MAP7D1: variants seen among roughly 807,000 people sequenced by gnomAD.
MAP7D1 encodes the protein MAP7 domain-containing protein 1.
In MAP7D1, 30 loss-of-function variants were observed where a neutral mutation model predicts 97.5. The observed-to-expected ratio is 0.31, with a 90% CI of 0.23 to 0.42. MAP7D1 has a LOEUF of 0.42. MAP7D1 is among the 10% of genes least tolerant of loss of function. MAP7D1 has a pLI of 1.00. For synonymous variants in MAP7D1, 536 were observed against 477.1 expected, an observed-to-expected ratio of 1.12 and a Z score of -1.61; for missense variants, 1,184 against 1,179.5, an observed-to-expected ratio of 1.00 and a Z score of -0.06.
At position 36,178,818 on chromosome 1, in the gene MAP7D1, A is replaced by G. The variant is rs1291249097; in HGVS notation, c.2020A>G (p.Lys674Glu). 1 of 1,540,684 alleles carries G rather than the reference A, an allele frequency of 6.5e-7. No individual in the cohort carries two copies. Among genetic ancestry groups the G allele is most frequent in the East Asian group, 2.5e-5 (1 of 40,140 alleles). ...AEQEEQERLQ[K>E]QKEEAEARSR... ...GCAGGAGGAGCAGGAGCGGCTGCAG[A>G]AGCAGGTGCCCCCGGCGGGCGGGAA... Residue 674 changes from lysine (K) to glutamate (E), a missense_variant, in exon 11 of 17, where the codon AAG (lysine) becomes GAG (glutamate). Transcript: ENST00000474796.
chr1:36,177,383 G>GTAGT, intron 8 of MAP7D1: 1 of 367,470 alleles, frequency 2.7e-6, no homozygotes, highest in South Asian at 2.1e-5. Context: ...AAGGGCCAGG[G>GTAGT]TAGTGCCTCA....
In MAP7D1 at chr1:36,178,924, G is replaced by A; in HGVS notation, c.2029G>A (p.Glu677Lys). ...CGCTCATGGGGGTCTTTGGCAGAAA[G>A]AGGAGGCCGAAGCTCGGTCGCGGGA... ...EEQERLQKQK[E>K]EAEARSREEA... Residue 677 changes from glutamate (E) to lysine (K), a missense_variant, in exon 12 of 17, where the codon GAG (glutamate) becomes AAG (lysine). By Grantham distance (56) the Glu-to-Lys change is moderately conservative. Coordinates refer to ENST00000474796, the MANE Select transcript of MAP7D1 (RefSeq NM_001388490.1). 2 of 1,554,528 alleles carry A rather than the reference G, an allele frequency of 1.3e-6. No homozygotes were observed. Among genetic ancestry groups the A allele is most frequent in the Non-Finnish European group, 1.7e-6 (2 of 1,148,960 alleles).
chr1:36,178,449 C>G lies in MAP7D1; in HGVS notation c.1739C>G (p.Pro580Arg), dbSNP rs754642069. The G allele has an allele frequency of 6.2e-7, 1 of 1,611,480 alleles. No individual in the cohort carries two copies. Among genetic ancestry groups the G allele is most frequent in the East Asian group, 2.2e-5 (1 of 44,832 alleles). Residue 580 changes from proline (P) to arginine (R), a missense_variant, in exon 10 of 17, where the codon CCT (proline) becomes CGT (arginine). Physicochemically the swap from Pro to Arg is moderately radical, Grantham distance 103. Transcript: ENST00000474796. ...GCTGTCTTGACCTCACCCCCAGCCCCTGCTCCCCCGGTGACCCCTAGCAAA... is the reference window on the plus strand; with the variant it reads ...GCTGTCTTGACCTCACCCCCAGCCCGTGCTCCCCCGGTGACCCCTAGCAAA... ...DAAVLTSPPA[P>R]APPVTPSKPM...
chr1:36,156,628 G>T (rs1191245328), intron 1 of MAP7D1, among the ~76,000 whole-genome samples, 165 bp downstream of exon 1: 2 of 152,110 alleles, frequency 1.3e-5, no homozygotes, highest in African/African-American at 4.8e-5. Flanking sequence ...CCAGGCTCGC[G>T]ATGCATCCTC....
intron 1 of MAP7D1, among the ~76,000 whole-genome samples, chr1:36,166,273 G>A (rs111669222): frequency 7.9e-5 from 12 of 152,240 alleles, no homozygotes; most frequent in African/African-American, 2.6e-4. Flanking sequence ...AGACAAGGTC[G>A]AAGAGGTCAG....
At chr1:36,166,008 G>A (rs1392508311) in intron 1 of MAP7D1, among the ~76,000 whole-genome samples, 1 of 152,166 alleles carries the variant, frequency 6.6e-6, no homozygotes, top group Admixed American at 6.5e-5. Flanking sequence ...GGGATTACAG[G>A]CGTGAGCCAC....
chr1:36,168,867 TA>T (rs1644505077), intron 1 of MAP7D1, among the ~76,000 whole-genome samples: 1 of 152,160 alleles, frequency 6.6e-6, no homozygotes. Flanking sequence ...GATCTCAAAT[TA>T]CCTCTTTTTT....
chr1:36,172,255 T>A, intron 3 of MAP7D1: 1 of 430,528 alleles, frequency 2.3e-6, no homozygotes, highest in East Asian at 3.5e-5. Context: ...ATAAGGCCAA[T>A]GGAGGAGAAA....
chr1:36,179,585 T>C, intron 14 of MAP7D1, 28 bp downstream of exon 14: 1 of 1,556,266 alleles, frequency 6.4e-7, no homozygotes, highest in Non-Finnish European at 8.7e-7. Flanking sequence ...CTCGCCTCCC[T>C]TCCCTTTGCC....
chr1:36,158,155 G>A (rs774246562), intron 1 of MAP7D1, among the ~76,000 whole-genome samples: 3 of 151,982 alleles, frequency 2.0e-5, no homozygotes, highest in South Asian at 2.1e-4. Flanking sequence ...GGGGATGTTC[G>A]GTGGGCGGGG....
chr1:36,161,122 A>G (rs1182658765), intron 1 of MAP7D1, among the ~76,000 whole-genome samples: 2 of 152,230 alleles, frequency 1.3e-5, no homozygotes, highest in Non-Finnish European at 2.9e-5. Context: ...GAGCTCCTTC[A>G]GATCTGTAGT....
Position 36,175,002 on chromosome 1 carries a change from A to G in MAP7D1, c.844A>G (p.Ser282Gly), listed in dbSNP as rs1314138973. 1 of 1,610,022 alleles carries G rather than the reference A, an allele frequency of 6.2e-7. No homozygotes were observed. The change falls in exon 6 of 17, where the codon AGT (serine) becomes GGT (glycine). Residue 282 changes from serine to glycine, a missense_variant. Ser to Gly is a moderately conservative substitution (Grantham distance 56). Coordinates refer to ENST00000474796, the MANE Select transcript of MAP7D1 (RefSeq NM_001388490.1). ...CTCTGCCACGCTCTGGAACTCCCCC[A>G]GTAGAAGTAAGAGAAGGCCCAGCCC... ...KSSATLWNSP[S>G]RNRSLQLSAW... is the part of the protein sequence containing the mutation.
chr1:36,161,899 G>A (rs886258678), intron 1 of MAP7D1, among the ~76,000 whole-genome samples: 1 of 151,520 alleles, frequency 6.6e-6, no homozygotes, highest in African/African-American at 2.4e-5. Context: ...GTGTGTGTGT[G>A]TGTGTGTGTG....
chr1:36,156,568 C>A, intron 1 of MAP7D1, 105 bp downstream of exon 1: 1 of 898,266 alleles, frequency 1.1e-6, no homozygotes, highest in Non-Finnish European at 1.5e-6. Flanking sequence ...CGCTGCCGCG[C>A]CCTCTGACCA....
At chr1:36,168,432 C>A (rs1385245497) in intron 1 of MAP7D1, among the ~76,000 whole-genome samples, 1 of 152,168 alleles carries the variant, frequency 6.6e-6, no homozygotes, top group Non-Finnish European at 1.5e-5. Context: ...TGCGAGGACA[C>A]AGGGTGCACC....
At chr1:36,166,610 C>G (rs1486382390) in intron 1 of MAP7D1, among the ~76,000 whole-genome samples, 3 of 152,000 alleles carry the variant, frequency 2.0e-5, no homozygotes, top group African/African-American at 7.2e-5. Context: ...AGGATGGTCT[C>G]GATCTCCTGA....
At chr1:36,156,728 C>G (rs1299883458) in intron 1 of MAP7D1, among the ~76,000 whole-genome samples, 1 of 152,032 alleles carries the variant, frequency 6.6e-6, no homozygotes, top group African/African-American at 2.4e-5. Flanking sequence ...TGGGGTGACC[C>G]TTCTGCCCCA....
chr1:36,157,774 T>C (rs1230134136), intron 1 of MAP7D1, among the ~76,000 whole-genome samples: 1 of 152,142 alleles, frequency 6.6e-6, no homozygotes, highest in Non-Finnish European at 1.5e-5. Flanking sequence ...CTCCTCCCCA[T>C]GCCAGCGAGG....
rs777626189 is a variant in MAP7D1 at position 36,159,748 on chromosome 1, G to C, written c.46+3285G>C. Among the ~76,000 whole-genome samples the C allele has an allele frequency of 7.2e-5, 11 of 152,224 alleles. No individual in the cohort carries two copies. The highest frequency in any genetic ancestry group is 1.5e-4 in the Non-Finnish European group (10 of 68,042). Reference sequence around the variant, plus strand: ...TAATGGTGTTAGTGTGCAGTGGGCTGTGCTTGTGGAAGGCTTCACGGAGGA... The same window carrying C: ...TAATGGTGTTAGTGTGCAGTGGGCTCTGCTTGTGGAAGGCTTCACGGAGGA... On this transcript the variant is annotated intron_variant, in intron 1 of 16. Transcript: ENST00000474796. The surrounding 1 kb of genome is among the most constrained non-coding windows in gnomAD (Gnocchi z 5.4).
Sources: gnomAD v4.1 joint callset for allele counts (sites outside exome capture counted in the v4.1 genomes callset) on GRCh38, gnomAD v4.1.1 for gene constraint, Gnocchi (gnomAD v3.1) non-coding constraint, MANE v1.5 for transcripts, NCBI Gene and HGNC (gene_info 2026-07-23, HGNC 2026-07-21) for gene names.